The following PCF11 variants were observed in gnomAD, a reference collection of about 807,000 sequenced individuals.
PCF11 encodes pre-mRNA cleavage complex 2 protein Pcf11.
Under a neutral mutation model 166.1 loss-of-function variants are expected in PCF11, and 19 were observed. That is an observed-to-expected ratio of 0.11 (90% CI 0.08 to 0.17). The LOEUF is 0.17. Among genes scored for constraint, PCF11 ranks in the 10% least tolerant of loss-of-function variants. The pLI, the probability that PCF11 is intolerant of heterozygous loss-of-function variation, is 1.00. For synonymous variants in PCF11, 663 were observed against 644.1 expected, an observed-to-expected ratio of 1.03 and a Z score of -0.44; for missense variants, 1,565 against 1,855.5, an observed-to-expected ratio of 0.84 and a Z score of 2.88.
intron 8 of PCF11, 26 bp downstream of exon 8, chr11:83,170,021 T>C (rs780114806): frequency 2.0e-6 from 3 of 1,527,652 alleles, no homozygotes; most frequent in Non-Finnish European, 2.6e-6. Context: ...TAAAATTGCG[T>C]TGTATGCAGA....
intron 1 of PCF11, among the ~76,000 whole-genome samples, chr11:83,159,979 G>C (rs186338079): frequency 8.9e-4 from 136 of 152,268 alleles, no homozygotes; most frequent in Non-Finnish European, 1.5e-3. Context: ...TGTAAAACAT[G>C]ACATGGTAAG....
chr11:83,168,726 A>G, exon 8 of PCF11: 3 of 1,613,884 alleles, frequency 1.9e-6, no homozygotes, highest in Non-Finnish European at 2.5e-6. Context: ...CACCAGGACA[A>G]ATGGGGGGAG....
intron 12 of PCF11, among the ~76,000 whole-genome samples, chr11:83,181,592 A>T (rs530800857): frequency 4.1e-4 from 61 of 147,170 alleles, no homozygotes; most frequent in African/African-American, 1.5e-3. Flanking sequence ...AGGCTCTAGG[A>T]CTGTTTTTTG....
At position 83,167,587 on chromosome 11, in the gene PCF11, C is replaced by T; in HGVS notation, c.2092+82C>T. 6 of 1,548,390 alleles carry T rather than the reference C, an allele frequency of 3.9e-6. No individual in the cohort carries two copies. The highest frequency in any genetic ancestry group is 5.2e-6 in the Non-Finnish European group (6 of 1,147,124). ...AAAAAGAAACCTCTCTTATCTGATG[C>T]TGAATTAACCTACTATGAACATAAA... On this transcript the variant is annotated intron_variant, in intron 7 of 15. Coordinates refer to ENST00000298281, the Ensembl canonical transcript of PCF11. This position sits in a 1 kb window ranked among gnomAD's most constrained non-coding sequence, Gnocchi z 4.2.
intron 2 of PCF11, 114 bp from the exon 3 acceptor site, chr11:83,163,565 C>G (rs1370349014): frequency 1.5e-5 from 6 of 400,172 alleles, no homozygotes; most frequent in Non-Finnish European, 2.7e-5. Flanking sequence ...ATATACTTAC[C>G]AATGGGTAGT....
exon 8 of PCF11, chr11:83,168,507 A>T: frequency 1.2e-6 from 2 of 1,614,032 alleles, no homozygotes; most frequent in Non-Finnish European, 1.7e-6. Flanking sequence ...CAGATAAACC[A>T]TTTGTAGATA....
chr11:83,183,867 T>G (rs950361789), intron 15 of PCF11, among the ~76,000 whole-genome samples: 12 of 151,846 alleles, frequency 7.9e-5, no homozygotes, highest in Non-Finnish European at 1.5e-4. Flanking sequence ...GTTCAAATGG[T>G]CGGCTGGGCG....
At chr11:83,157,204 T>C (rs1590915324) in exon 1 of PCF11, 1 of 584,642 alleles carries the variant, frequency 1.7e-6, no homozygotes, top group African/African-American at 1.9e-5. Flanking sequence ...TTTGTGTCTG[T>C]GGAGAAAGAA....
rs555848139 is a variant in PCF11 at position 83,162,116 on chromosome 11, A to C, written c.318+664A>C. On this transcript the variant is annotated intron_variant, in intron 2 of 15. Coordinates refer to ENST00000298281, the Ensembl canonical transcript of PCF11. ...ACACTGTAACATGGTGGTTTGGTTAAAGCAGTATTATGTTGAGGAGGACAA... is the reference window on the plus strand; with the variant it reads ...ACACTGTAACATGGTGGTTTGGTTACAGCAGTATTATGTTGAGGAGGACAA... 2.0e-5 allele frequency among the ~76,000 whole-genome samples: 3 copies of C among 152,320 alleles called. No homozygotes were observed. The South Asian group carries it at 6.2e-4, about 32-fold the overall frequency.
chr11:83,162,053 T>A (rs1320040579), intron 2 of PCF11, among the ~76,000 whole-genome samples: 5 of 152,262 alleles, frequency 3.3e-5, no homozygotes, highest in Admixed American at 2.0e-4. Flanking sequence ...GAAATTAGGC[T>A]TATTTTTCAT....
At position 83,181,171 on chromosome 11, in the gene PCF11, C is replaced by T; in HGVS notation, c.4147C>T (p.Arg1383Cys). Residue 1383 changes from arginine (R) to cysteine (C), a missense_variant, in exon 12 of 16, where the codon CGT (arginine) becomes TGT (cysteine). Arg to Cys is a radical substitution (Grantham distance 180). Around this residue, in one of 12 missense-constraint regions of PCF11, gnomAD observed 81 missense variants for 141.8 expected, o/e 0.57. Transcript: ENST00000298281. ...TGTTAGCCGAAAAGTCACTCATAGA[C>T]GTTGGTACTACAGTTTAACAGTAAG... 3 of 1,609,726 alleles carry T rather than the reference C, an allele frequency of 1.9e-6. No homozygotes were observed. Among genetic ancestry groups the T allele is most frequent in the East Asian group, 4.5e-5 (2 of 44,760 alleles).
chr11:83,173,458 AAAAAACC>A (rs1860758722), intron 9 of PCF11, among the ~76,000 whole-genome samples: 2 of 151,826 alleles, frequency 1.3e-5, no homozygotes, highest in African/African-American at 2.4e-5. Context: ...CGTCTCAGAA[AAAAAACC>A]AAAAACCAAA....
exon 8 of PCF11, chr11:83,169,094 G>T (rs1378732073): frequency 6.2e-7 from 1 of 1,613,460 alleles, no homozygotes; most frequent in East Asian, 2.2e-5. Flanking sequence ...TTTGAGGGGG[G>T]TCATGGTCCA....
exon 5 of PCF11, chr11:83,165,723 T>G: frequency 1.2e-6 from 2 of 1,613,796 alleles, no homozygotes; most frequent in East Asian, 4.5e-5. Context: ...TCCTGTGCAA[T>G]CTGAGAAAAG....
At chr11:83,184,363 A>G (rs1590942545) in intron 15 of PCF11, 1 of 230,660 alleles carries the variant, frequency 4.3e-6, no homozygotes, top group Non-Finnish European at 8.4e-6. Flanking sequence ...AACAAGTCCC[A>G]GGATATATGT....
Position 83,184,866 on chromosome 11 carries a change from CAG to C in PCF11, c.4642_4643del (p.Glu1548LysfsTer2), listed in dbSNP as rs774435645. 3.8e-6 allele frequency: 6 copies of C among 1,568,168 alleles called. No homozygotes were observed. The highest frequency in any genetic ancestry group is 4.3e-6 in the Non-Finnish European group (5 of 1,164,828). Reference sequence around the variant, plus strand: ...ATAGCAACACCCTCTGAAATTAAAACAGAAAATGACACAGTCGAGTCAGTTTA... The same window carrying C: ...ATAGCAACACCCTCTGAAATTAAAACAAAATGACACAGTCGAGTCAGTTTA... On this transcript the variant is annotated frameshift_variant, in exon 16 of 16. Transcript: ENST00000298281. LOFTEE classifies it high-confidence loss of function.
intron 9 of PCF11, among the ~76,000 whole-genome samples, chr11:83,175,473 C>T (rs915843753): frequency 1.3e-4 from 19 of 151,106 alleles, no homozygotes; most frequent in African/African-American, 4.6e-4. Flanking sequence ...CAATTATGGC[C>T]GGGCACTGTA....
At chr11:83,169,724 A>G (rs758992206) in exon 8 of PCF11, 22 of 1,614,006 alleles carry the variant, frequency 1.4e-5, no homozygotes, top group African/African-American at 2.7e-5. Context: ...GTATCTTTCA[A>G]TCAGACTGGT....
At chr11:83,157,393 G>A in exon 1 of PCF11, 2 of 1,551,526 alleles carry the variant, frequency 1.3e-6, no homozygotes, top group Non-Finnish European at 1.8e-6. Flanking sequence ...TATCCAGAGC[G>A]GCTTCAGCTT....
Sources: allele counts gnomAD v4.1 joint callset (sites outside exome capture counted in the v4.1 genomes callset), GRCh38; gene constraint gnomAD v4.1.1; regional missense constraint gnomAD v4.1.1; non-coding constraint Gnocchi (gnomAD v3.1); transcripts MANE v1.5; gene names NCBI Gene and HGNC (gene_info 2026-07-23, HGNC 2026-07-21).